Variants in GALNT10 observed in about 807,000 individuals in gnomAD.
The protein encoded by GALNT10 is polypeptide N-acetylgalactosaminyltransferase 10.
A neutral mutation model predicts 75.0 loss-of-function variants in GALNT10; 41 were observed. That is an observed-to-expected ratio of 0.55 (90% CI 0.43 to 0.71). The LOEUF (loss-of-function observed/expected upper bound fraction) is 0.71. Ranked by LOEUF, GALNT10 falls within the 30% of genes least tolerant of loss-of-function variation. The pLI is 0.00. For missense variants in GALNT10, 727 were observed against 818.5 expected, an observed-to-expected ratio of 0.89 and a Z score of 1.36; for synonymous variants, 302 against 313.0, an observed-to-expected ratio of 0.96 and a Z score of 0.37.
At chr5:154,351,177 C>T (rs954801308) in intron 4 of GALNT10, among the ~76,000 whole-genome samples, 8 of 152,250 alleles carry the variant, frequency 5.3e-5, no homozygotes, top group African/African-American at 1.9e-4. Flanking sequence ...GTTTATTCCT[C>T]ATTACTGTGA....
At chr5:154,202,585 C>T (rs865972544) in intron 1 of GALNT10, among the ~76,000 whole-genome samples, 12 of 152,208 alleles carry the variant, frequency 7.9e-5, no homozygotes, top group African/African-American at 2.4e-4. Context: ...TGGTGGGACT[C>T]AAACTCAGAT....
chr5:154,246,591 G>T (rs973002162), intron 1 of GALNT10, among the ~76,000 whole-genome samples: 60 of 152,270 alleles, frequency 3.9e-4, no homozygotes, highest in Non-Finnish European at 1.2e-4. Context: ...GTGCCTTTTG[G>T]CTGTATAAAT....
intron 3 of GALNT10, among the ~76,000 whole-genome samples, chr5:154,310,073 T>C (rs1308598291): frequency 1.3e-5 from 2 of 152,166 alleles, no homozygotes; most frequent in Non-Finnish European, 2.9e-5. Flanking sequence ...TTCCACCCTT[T>C]TTGTTGGGAA....
intron 1 of GALNT10, among the ~76,000 whole-genome samples, chr5:154,196,694 T>A (rs529053995): frequency 6.6e-6 from 1 of 152,318 alleles, no homozygotes; most frequent in East Asian, 1.9e-4. Flanking sequence ...ACATCTTTTC[T>A]ATAAGCTCTA....
At chr5:154,284,918 G>A (rs568319633) in intron 1 of GALNT10, among the ~76,000 whole-genome samples, 1 of 152,192 alleles carries the variant, frequency 6.6e-6, no homozygotes, top group Admixed American at 6.5e-5. Flanking sequence ...ATATAATGAC[G>A]ATAATAATAT....
chr5:154,329,494 G>A (rs1581976317), intron 3 of GALNT10, 78 bp from the exon 4 acceptor site: 1 of 1,210,524 alleles, frequency 8.3e-7, no homozygotes, highest in Admixed American at 1.7e-5. Flanking sequence ...TTTGCAGTTA[G>A]CCAAACCCTG....
chr5:154,355,442 G>A (rs773984978), intron 4 of GALNT10, among the ~76,000 whole-genome samples: 4 of 152,154 alleles, frequency 2.6e-5, no homozygotes, highest in Non-Finnish European at 5.9e-5. Flanking sequence ...TTGGCCTCTC[G>A]TTATTTGCTC....
intron 7 of GALNT10, among the ~76,000 whole-genome samples, chr5:154,391,757 A>G (rs937961772): frequency 1.3e-5 from 2 of 152,230 alleles, no homozygotes; most frequent in African/African-American, 4.8e-5. Flanking sequence ...GCAGGGACTC[A>G]GTCATCTCAC....
intron 4 of GALNT10, among the ~76,000 whole-genome samples, chr5:154,344,360 C>T (rs1367834505): frequency 4.0e-5 from 6 of 151,870 alleles, no homozygotes; most frequent in Admixed American, 2.6e-4. Flanking sequence ...TACAGGCGCG[C>T]ACCACCATGC....
chr5:154,337,133 A>G (rs1266933746), intron 4 of GALNT10, among the ~76,000 whole-genome samples: 3 of 152,222 alleles, frequency 2.0e-5, no homozygotes, highest in Non-Finnish European at 2.9e-5. Flanking sequence ...TTTTTTTAAA[A>G]GACACATTTA....
rs375007802 is a variant in GALNT10, at chr5:154,416,089, T to C, written c.1653+157T>C. ...GTAGTCATTCAAGAGTAGTCAGAAA[T>C]CTAGACTTCACTGTGAAATCCTCAA... On this transcript the variant is annotated intron_variant, in intron 11 of 11. Transcript: ENST00000297107. This position sits in a 1 kb window ranked among gnomAD's most constrained non-coding sequence, Gnocchi z 4.5. Among the ~76,000 whole-genome samples the C allele has an allele frequency of 8.5e-5, 13 of 152,162 alleles. No homozygotes were observed. Among genetic ancestry groups the C allele is most frequent in the African/African-American group, 3.1e-4 (13 of 41,442 alleles).
chr5:154,390,108 T>C (rs1755869741), intron 7 of GALNT10, among the ~76,000 whole-genome samples: 1 of 152,156 alleles, frequency 6.6e-6, no homozygotes, highest in African/African-American at 2.4e-5. Context: ...ACCAAACAAT[T>C]TATGACCAAA....
intron 10 of GALNT10, among the ~76,000 whole-genome samples, chr5:154,413,605 G>C (rs1196128848): frequency 1.3e-5 from 2 of 152,202 alleles, no homozygotes; most frequent in Non-Finnish European, 2.9e-5. Flanking sequence ...GGATGCAGAG[G>C]GTAAGCCAGC....
intron 1 of GALNT10, among the ~76,000 whole-genome samples, chr5:154,247,804 T>C (rs1456028937): frequency 6.6e-6 from 1 of 152,184 alleles, no homozygotes; most frequent in Non-Finnish European, 1.5e-5. Flanking sequence ...TACCTTTATT[T>C]CTTTCTCCTG....
At chr5:154,397,045 T>C (rs1179756478) in intron 7 of GALNT10, among the ~76,000 whole-genome samples, 2 of 151,720 alleles carry the variant, frequency 1.3e-5, no homozygotes, top group African/African-American at 4.8e-5. Context: ...GAGAATCACT[T>C]GAACCTGGGA....
chr5:154,199,368 G>C (rs1774990739), intron 1 of GALNT10, among the ~76,000 whole-genome samples: 1 of 152,100 alleles, frequency 6.6e-6, no homozygotes, highest in Non-Finnish European at 1.5e-5. Context: ...ATTCTCCCCA[G>C]GAGTGCTTCA....
At chr5:154,382,473 T>C (rs1755747971) in intron 6 of GALNT10, among the ~76,000 whole-genome samples, 2 of 152,210 alleles carry the variant, frequency 1.3e-5, no homozygotes, top group Admixed American at 1.3e-4. Flanking sequence ...TAAATCCTTG[T>C]AGAATAATAC....
chr5:154,367,034 C>A (rs1755486717), intron 4 of GALNT10, among the ~76,000 whole-genome samples: 2 of 151,858 alleles, frequency 1.3e-5, no homozygotes, highest in East Asian at 1.9e-4. Flanking sequence ...ATTGGAAGGT[C>A]ATAAAATCAG....
intron 1 of GALNT10, among the ~76,000 whole-genome samples, chr5:154,291,452 T>C (rs183214719): frequency 6.6e-6 from 1 of 152,322 alleles, no homozygotes; most frequent in Admixed American, 6.5e-5. Flanking sequence ...ATTAACAAGA[T>C]CCATGCATGA....
Sources: allele counts gnomAD v4.1 joint callset (sites outside exome capture counted in the v4.1 genomes callset), GRCh38; gene constraint gnomAD v4.1.1; non-coding constraint Gnocchi (gnomAD v3.1); transcripts MANE v1.5; gene names NCBI Gene and HGNC (gene_info 2026-07-23, HGNC 2026-07-21).